The following DLGAP1 variants were observed in gnomAD, a reference collection of about 807,000 sequenced individuals.
DLGAP1 encodes the protein DLG associated protein 1, also known as disks large-associated protein 1.
DLGAP1 carries 11 observed loss-of-function variants against 90.8 expected under a neutral mutation model. That is an observed-to-expected ratio of 0.12 (90% CI 0.08 to 0.20). The LOEUF (loss-of-function observed/expected upper bound fraction) is 0.20. Ranked by LOEUF, DLGAP1 falls within the 10% of genes least tolerant of loss-of-function variation. The pLI is 1.00. For synonymous variants in DLGAP1, 558 were observed against 540.7 expected, an observed-to-expected ratio of 1.03 and a Z score of -0.44; for missense variants, 1,050 against 1,333.8, an observed-to-expected ratio of 0.79 and a Z score of 3.31.
At chr18:4,263,167 C>T (rs56952582) in intron 1 of DLGAP1, among the ~76,000 whole-genome samples, 2,069 of 152,236 alleles carry the variant, frequency 0.014, 42 homozygotes, top group African/African-American at 0.045. Flanking sequence ...CTCTTGACCT[C>T]GTGATCTGCC....
intron 7 of DLGAP1, among the ~76,000 whole-genome samples, chr18:3,689,576 A>G (rs2060822433): frequency 6.6e-6 from 1 of 152,132 alleles, no homozygotes; most frequent in South Asian, 2.1e-4. Context: ...TGGGAAGCTG[A>G]TATGTGTGGA....
At chr18:4,447,674 G>T (rs1019686891) in intron 1 of DLGAP1, among the ~76,000 whole-genome samples, 1 of 151,936 alleles carries the variant, frequency 6.6e-6, no homozygotes, top group Non-Finnish European at 1.5e-5. Flanking sequence ...GAATAATAAA[G>T]AATTAAAAAG....
chr18:3,898,279 G>A (rs140277251), intron 3 of DLGAP1, among the ~76,000 whole-genome samples: 1 of 152,212 alleles, frequency 6.6e-6, no homozygotes, highest in East Asian at 1.9e-4. Flanking sequence ...TATTTGAGAT[G>A]CTTGACCAGC....
At chr18:4,169,014 G>C (rs1331554375) in intron 1 of DLGAP1, among the ~76,000 whole-genome samples, 1 of 152,182 alleles carries the variant, frequency 6.6e-6, no homozygotes, top group Non-Finnish European at 1.5e-5. Flanking sequence ...ATGAGCATTA[G>C]TATACAAATA....
intron 1 of DLGAP1, among the ~76,000 whole-genome samples, chr18:4,402,139 C>T (rs1598360761): frequency 6.6e-6 from 1 of 152,238 alleles, no homozygotes; most frequent in South Asian, 2.1e-4. Context: ...ATATATCATC[C>T]CTTTTGGCGA....
intron 3 of DLGAP1, among the ~76,000 whole-genome samples, chr18:3,956,235 G>A (rs919524333): frequency 6.6e-6 from 1 of 152,192 alleles, no homozygotes; most frequent in African/African-American, 2.4e-5. Flanking sequence ...GCTCACAGGA[G>A]CAATGAAAGT....
chr18:3,855,474 T>C (rs2069583267), intron 4 of DLGAP1, among the ~76,000 whole-genome samples: 1 of 152,038 alleles, frequency 6.6e-6, no homozygotes, highest in African/African-American at 2.4e-5. Context: ...CTATCGATGG[T>C]GGAAAAATGA....
intron 1 of DLGAP1, among the ~76,000 whole-genome samples, chr18:4,164,682 AAAAACAAAAC>A (rs532485957): frequency 1.3e-5 from 2 of 152,172 alleles, no homozygotes; most frequent in Admixed American, 6.5e-5. Context: ...TCTGTCTCAA[AAAAACAAAAC>A]AAAACAAAAC....
Position 3,534,477 on chromosome 18 carries a change from G to C in DLGAP1, c.2196C>G (p.Arg732=). Residue 732 remains arginine (R), a synonymous_variant, in exon 10 of 13, where the codon CGC becomes CGG. Transcript: ENST00000315677. ...CPGPMARQFS[R]DASTSTVSIQ... ...TGCTGACTGTGGAGGTGCTGGCATC[G>C]CGGGAGAACTGTCTGGCCATGGGGC... The C allele has an allele frequency of 6.2e-7, 1 of 1,614,200 alleles. No homozygotes were observed. The highest frequency in any genetic ancestry group is 1.1e-5 in the South Asian group (1 of 91,092).
intron 1 of DLGAP1, among the ~76,000 whole-genome samples, chr18:4,164,839 A>G (rs2076906884): frequency 2.6e-5 from 4 of 152,132 alleles, no homozygotes; most frequent in Admixed American, 1.3e-4. Flanking sequence ...ATAGAAAAAC[A>G]TAATTATTTT....
At chr18:4,240,868 A>T (rs979379047) in intron 1 of DLGAP1, among the ~76,000 whole-genome samples, 2 of 152,226 alleles carry the variant, frequency 1.3e-5, no homozygotes, top group Non-Finnish European at 2.9e-5. Flanking sequence ...TTACTATGCA[A>T]TCATACGAAC....
intron 3 of DLGAP1, among the ~76,000 whole-genome samples, chr18:3,985,125 C>T (rs1353123746): frequency 6.6e-6 from 1 of 152,192 alleles, no homozygotes; most frequent in Non-Finnish European, 1.5e-5. Flanking sequence ...CAGCCACATG[C>T]ATCTGCCTCC....
At chr18:3,510,476 C>T (rs1244626001) in intron 10 of DLGAP1, among the ~76,000 whole-genome samples, 4 of 152,198 alleles carry the variant, frequency 2.6e-5, no homozygotes, top group Admixed American at 6.5e-5. Context: ...GGTGACTGGA[C>T]ATCTTGGTCT....
intron 5 of DLGAP1, among the ~76,000 whole-genome samples, chr18:3,753,715 A>C (rs983860031): frequency 6.6e-6 from 1 of 152,240 alleles, no homozygotes; most frequent in African/African-American, 2.4e-5. Context: ...AAGCTGCCTG[A>C]AATTTGGAAG....
At chr18:3,560,353 A>C (rs919298508) in intron 9 of DLGAP1, among the ~76,000 whole-genome samples, 2 of 144,142 alleles carry the variant, frequency 1.4e-5, no homozygotes, top group Non-Finnish European at 3.0e-5. Context: ...TGGGAGGCGG[A>C]GGTTGCAGTG....
intron 4 of DLGAP1, among the ~76,000 whole-genome samples, chr18:3,872,418 GA>G (rs570263084): frequency 6.6e-6 from 1 of 151,248 alleles, no homozygotes; most frequent in Admixed American, 6.6e-5. Context: ...ATCAGTCACT[GA>G]AAAAAAATTA....
intron 7 of DLGAP1, among the ~76,000 whole-genome samples, chr18:3,636,480 C>T (rs1053568589): frequency 4.0e-5 from 6 of 151,646 alleles, no homozygotes; most frequent in Admixed American, 2.0e-4. Flanking sequence ...GGCACTATCT[C>T]GACTCACTGT....
At chr18:3,810,152 G>A (rs955424777) in intron 5 of DLGAP1, among the ~76,000 whole-genome samples, 6 of 152,134 alleles carry the variant, frequency 3.9e-5, no homozygotes, top group Non-Finnish European at 1.5e-5. Context: ...GAGAGTGACC[G>A]AAATAATAGT....
intron 1 of DLGAP1, among the ~76,000 whole-genome samples, chr18:4,278,107 C>T (rs1303042027): frequency 1.3e-5 from 2 of 151,864 alleles, no homozygotes; most frequent in African/African-American, 4.8e-5. Context: ...GGTAACAATA[C>T]TTTTGTTACA....
Sources: allele counts gnomAD v4.1 joint callset (sites outside exome capture counted in the v4.1 genomes callset), GRCh38; gene constraint gnomAD v4.1.1; transcripts MANE v1.5; gene names NCBI Gene and HGNC (gene_info 2026-07-23, HGNC 2026-07-21).